Variants in CPLX2 observed in about 807,000 individuals in gnomAD.
CPLX2 encodes the protein complexin 2.
In CPLX2, 5 loss-of-function variants were observed where a neutral mutation model predicts 16.3. The observed-to-expected ratio is 0.31, with a 90% confidence interval of 0.16 to 0.64. The LOEUF (loss-of-function observed/expected upper bound fraction) is 0.64, where lower values mean the gene tolerates loss of function less well. Ranked by LOEUF, CPLX2 falls within the 30% of genes least tolerant of loss-of-function variation. The pLI is 0.79. For missense variants in CPLX2, 144 were observed against 181.4 expected, an observed-to-expected ratio of 0.79 and a Z score of 1.18; for synonymous variants, 89 against 73.2, an observed-to-expected ratio of 1.22 and a Z score of -1.10.
At chr5:175,875,876 C>T (rs900102747) in intron 1 of CPLX2, among the ~76,000 whole-genome samples, 2 of 152,008 alleles carry the variant, frequency 1.3e-5, no homozygotes, top group African/African-American at 4.8e-5. Flanking sequence ...CTTAGAGCCA[C>T]AGGGATGTAA....
rs182910439 is a variant in CPLX2, at chr5:175,866,287, G to A, written c.-88-12365G>A. On this transcript the variant is annotated intron_variant, in intron 2 of 4. Coordinates refer to the CPLX2 transcript ENST00000359546. ...CATCAGAGAAGAGTTCTTAATGGAC[G>A]GGTATATCCAAACACATCTCAAAGA... Among the ~76,000 whole-genome samples, 412 of 152,336 alleles carry A rather than the reference G, an allele frequency of 2.7e-3. 1 individual carries two copies. Among genetic ancestry groups the A allele is most frequent in the African/African-American group, 9.3e-3 (386 of 41,576 alleles).
chr5:175,839,150 A>C (rs1222993330), intron 2 of CPLX2, among the ~76,000 whole-genome samples: 2 of 152,152 alleles, frequency 1.3e-5, no homozygotes, highest in Non-Finnish European at 2.9e-5. Context: ...TTCCCACCTT[A>C]GCTCTTGAGT....
At chr5:175,857,507 G>A (rs1382543892) in intron 2 of CPLX2, among the ~76,000 whole-genome samples, 1 of 152,214 alleles carries the variant, frequency 6.6e-6, no homozygotes, top group African/African-American at 2.4e-5. Context: ...CATCATTGCT[G>A]AACCTAGTCT....
At chr5:175,834,159 G>A (rs1275713098) in intron 2 of CPLX2, among the ~76,000 whole-genome samples, 2 of 152,206 alleles carry the variant, frequency 1.3e-5, no homozygotes, top group Non-Finnish European at 2.9e-5. Flanking sequence ...ATGTAGCTTG[G>A]CAAGTTCCTA....
At chr5:175,831,336 T>G (rs1277408859) in intron 2 of CPLX2, among the ~76,000 whole-genome samples, 3 of 152,092 alleles carry the variant, frequency 2.0e-5, no homozygotes, top group African/African-American at 4.8e-5. Context: ...GGAAGGGACT[T>G]GCTCAAGGCC....
Position 175,878,832 on chromosome 5 carries a change from G to A in CPLX2, c.31+62G>A, listed in dbSNP as rs1472690745. On this transcript the variant is annotated intron_variant, in intron 2 of 3. Coordinates refer to ENST00000393745, the MANE Select transcript of CPLX2 (RefSeq NM_001008220.2). The stretch of plus-strand genomic sequence containing the variant: ...TCCCACCCTTGTGGGAGGTGGCCTC[G>A]GCCCACCCGGCCCCTCTCTCCCCAG... 7.5e-6 allele frequency: 12 copies of A among 1,607,720 alleles called. No individual in the cohort carries two copies. In the African/African-American group the frequency reaches 1.1e-4, roughly 14 times the overall value.
At chr5:175,821,572 T>C (rs1965709) in intron 2 of CPLX2, among the ~76,000 whole-genome samples, 18,030 of 151,920 alleles carry the variant, frequency 0.12, 1,074 homozygotes, top group Middle Eastern at 0.22. Flanking sequence ...CATGCCCGGC[T>C]AATTTTTGTA....
intron 2 of CPLX2, among the ~76,000 whole-genome samples, chr5:175,818,679 T>TTTTTTTTTTG (rs1758452808): frequency 7.5e-6 from 1 of 133,750 alleles, no homozygotes; most frequent in Admixed American, 7.5e-5. Context: ...TTTTTTTTTT[T>TTTTTTTTTTG]GAGACAGAGT....
At chr5:175,865,477 C>T (rs1000971130) in intron 2 of CPLX2, among the ~76,000 whole-genome samples, 2 of 152,254 alleles carry the variant, frequency 1.3e-5, no homozygotes, top group East Asian at 3.9e-4. Context: ...CTTTCCATTC[C>T]AAAAGGAACA....
rs1454337369 is a variant in CPLX2, at chr5:175,849,482, G to T, written c.-88-29170G>T. On this transcript the variant is annotated intron_variant, in intron 2 of 4. Transcript: ENST00000359546. This position sits in a 1 kb window ranked among gnomAD's most constrained non-coding sequence, Gnocchi z 4.4. The stretch of plus-strand genomic sequence containing the variant: ...GCCGAACCCCACACTGGATGTTAGA[G>T]GCACAAAGACTTGACCTTGAGGGGC... Among the ~76,000 whole-genome samples, 1 of 152,218 alleles carries T rather than the reference G, an allele frequency of 6.6e-6. No homozygotes were observed. The highest frequency in any genetic ancestry group is 1.5e-5 in the Non-Finnish European group (1 of 68,040).
At chr5:175,855,285 C>T (rs776424609) in intron 2 of CPLX2, among the ~76,000 whole-genome samples, 1 of 152,124 alleles carries the variant, frequency 6.6e-6, no homozygotes, top group Non-Finnish European at 1.5e-5. Context: ...ATGTGCTAGC[C>T]GTGACCTCTC....
chr5:175,879,517 T>C (rs1755516533), intron 3 of CPLX2, among the ~76,000 whole-genome samples: 1 of 152,232 alleles, frequency 6.6e-6, no homozygotes, highest in Non-Finnish European at 1.5e-5. Flanking sequence ...CTAGAAGTAG[T>C]CTTCCATTGG....
At position 175,872,372 on chromosome 5, in the gene CPLX2, G is replaced by A. The variant is rs1268497400; in HGVS notation, c.-89+667G>A. 6.6e-6 allele frequency among the ~76,000 whole-genome samples: 1 copy of A among 152,190 alleles called. No individual in the cohort carries two copies. The highest frequency in any genetic ancestry group is 1.5e-5 in the Non-Finnish European group (1 of 68,030). On this transcript the variant is annotated intron_variant, in intron 1 of 3. Transcript: ENST00000393745. This position sits in a 1 kb window ranked among gnomAD's most constrained non-coding sequence, Gnocchi z 5.0. Reference sequence around the variant, plus strand: ...GGAGTCTTCGGGAACGACCCCTTCTGTGCTCTCGTTCTCGTCGGCCTCAAT... The same window carrying A: ...GGAGTCTTCGGGAACGACCCCTTCTATGCTCTCGTTCTCGTCGGCCTCAAT...
chr5:175,879,837 C>T lies in CPLX2; in HGVS notation c.208-11C>T, dbSNP rs1340082762. On this transcript the variant is annotated splice_polypyrimidine_tract_variant and intron_variant, in intron 3 of 3. Coordinates refer to ENST00000393745, the MANE Select transcript of CPLX2 (RefSeq NM_001008220.2). ...CCGCTTCATGCGCGTCTCTGCCCTC[C>T]CCCTCCCCAGTATGGGCTGAAGAAG... 4 of 1,607,068 alleles carry T rather than the reference C, an allele frequency of 2.5e-6. No individual in the cohort carries two copies. Among genetic ancestry groups the T allele is most frequent in the Non-Finnish European group, 3.4e-6 (4 of 1,176,898 alleles).
chr5:175,825,937 C>CAAAAAAAAAAAAAAAAAAA (rs35250246), intron 2 of CPLX2, among the ~76,000 whole-genome samples: 1 of 44,420 alleles, frequency 2.3e-5, no homozygotes, highest in African/African-American at 9.7e-5. Flanking sequence ...TGAATAAGTG[C>CAAAAAAAAAAAAAAAAAAA]AAAAAAAAAA....
At position 175,826,166 on chromosome 5, in the gene CPLX2, C is replaced by T. The variant is rs567125010; in HGVS notation, c.-89+17098C>T. The stretch of plus-strand genomic sequence containing the variant: ...GGGCACTGCAAGAACCCAGGGTGGG[C>T]GCCACTGACTGAGTGGGTAGGATAG... On this transcript the variant is annotated intron_variant, in intron 2 of 4. Coordinates refer to the CPLX2 transcript ENST00000359546. Among the ~76,000 whole-genome samples, 71 of 152,004 alleles carry T rather than the reference C, an allele frequency of 4.7e-4. 1 individual carries two copies. Among genetic ancestry groups the T allele is most frequent in the Admixed American group, 1.1e-3 (17 of 15,264 alleles).
chr5:175,862,171 C>T (rs1759385413), intron 2 of CPLX2, among the ~76,000 whole-genome samples: 1 of 152,210 alleles, frequency 6.6e-6, no homozygotes, highest in Admixed American at 6.5e-5. Context: ...CAAGATGAGT[C>T]CCTGGCATAC....
At chr5:175,844,151 G>A in intron 2 of CPLX2, among the ~76,000 whole-genome samples, 1 of 152,246 alleles carries the variant, frequency 6.6e-6, no homozygotes, top group East Asian at 1.9e-4. Flanking sequence ...AGGATGGAAG[G>A]CACTGCCCAG....
At chr5:175,797,393 G>GC (rs1361186201) in intron 1 of CPLX2, among the ~76,000 whole-genome samples, 2 of 74 alleles carry the variant, frequency 0.027, no homozygotes, top group African/African-American at 0.091. Context: ...GAGTGGGCAA[G>GC]AGGTAGAGGG....
Sources: allele counts gnomAD v4.1 joint callset (sites outside exome capture counted in the v4.1 genomes callset), GRCh38; gene constraint gnomAD v4.1.1; non-coding constraint Gnocchi (gnomAD v3.1); transcripts MANE v1.5; gene names NCBI Gene and HGNC (gene_info 2026-07-23, HGNC 2026-07-21).